The following DEPTOR variants were observed in gnomAD, a reference collection of about 807,000 sequenced individuals.
DEPTOR encodes DEP domain containing MTOR interacting protein, also known as DEP domain-containing mTOR-interacting protein.
DEPTOR carries 41 observed loss-of-function variants against 41.6 expected under a neutral mutation model. That is an observed-to-expected ratio of 0.98 (90% CI 0.77 to 1.28). The LOEUF (loss-of-function observed/expected upper bound fraction) is 1.28. DEPTOR is among the 50% of genes most tolerant of loss of function. The probability of loss-of-function intolerance (pLI) is 0.00; values close to 1 mark genes in which losing one functional copy is unlikely to be tolerated. For missense variants in DEPTOR, 514 were observed against 527.9 expected, an observed-to-expected ratio of 0.97 and a Z score of 0.26; for synonymous variants, 195 against 192.3, an observed-to-expected ratio of 1.01 and a Z score of -0.12.
chr8:119,924,162 G>A (rs932997756), intron 1 of DEPTOR, among the ~76,000 whole-genome samples: 1 of 152,166 alleles, frequency 6.6e-6, no homozygotes, highest in African/African-American at 2.4e-5. Flanking sequence ...GAAGGAGAGA[G>A]TCTTGCTTCT....
chr8:119,924,552 A>T (rs954968460), intron 1 of DEPTOR, among the ~76,000 whole-genome samples: 2 of 151,800 alleles, frequency 1.3e-5, no homozygotes, highest in Admixed American at 1.3e-4. Flanking sequence ...CTGCTACTTT[A>T]TTTATGTTTT....
chr8:119,874,848 G>A (rs772493577), intron 1 of DEPTOR, among the ~76,000 whole-genome samples: 1 of 152,086 alleles, frequency 6.6e-6, no homozygotes, highest in Non-Finnish European at 1.5e-5. Flanking sequence ...GCTGCCCTTC[G>A]TGTGGTTATA....
intron 1 of DEPTOR, among the ~76,000 whole-genome samples, chr8:119,918,631 T>C (rs1185761146): frequency 2.0e-5 from 3 of 152,126 alleles, no homozygotes; most frequent in Admixed American, 2.0e-4. Context: ...CAGCTAATTT[T>C]TGTATTTTTG....
At chr8:119,902,261 A>G (rs1334487951) in intron 1 of DEPTOR, among the ~76,000 whole-genome samples, 3 of 152,222 alleles carry the variant, frequency 2.0e-5, no homozygotes, top group Admixed American at 6.5e-5. Flanking sequence ...TGGCAAAATA[A>G]ATGGAGCTCA....
chr8:119,908,580 A>G (rs1048870321), intron 1 of DEPTOR, among the ~76,000 whole-genome samples: 3 of 152,196 alleles, frequency 2.0e-5, no homozygotes, highest in Non-Finnish European at 4.4e-5. Flanking sequence ...GTGACTGCCT[A>G]CTACTTGCAA....
At chr8:119,952,747 C>T (rs534928400) in intron 3 of DEPTOR, among the ~76,000 whole-genome samples, 2 of 152,140 alleles carry the variant, frequency 1.3e-5, no homozygotes, top group East Asian at 1.9e-4. Flanking sequence ...CTGCAAAGGA[C>T]GTGTAGTTTC....
At chr8:119,878,077 C>T (rs181861634) in intron 1 of DEPTOR, among the ~76,000 whole-genome samples, 378 of 152,138 alleles carry the variant, frequency 2.5e-3, no homozygotes, top group African/African-American at 8.3e-3. Context: ...ATTACAGGCA[C>T]GCCCTATTTT....
In DEPTOR at chr8:119,960,484, C is replaced by A. The variant is rs576054213; in HGVS notation, c.426-4748C>A. ...GATTTCAAATAGAACTCTAATCATT[C>A]TTCTAGGAAGAGAGAAGGGACCTTA... On this transcript the variant is annotated intron_variant, in intron 3 of 8. Coordinates refer to ENST00000286234, the MANE Select transcript of DEPTOR (RefSeq NM_022783.4). Among the ~76,000 whole-genome samples, 22 of 152,250 alleles carry A rather than the reference C, an allele frequency of 1.4e-4. No individual in the cohort carries two copies. The South Asian group carries it at 4.3e-3, about 30-fold the overall frequency.
intron 8 of DEPTOR, among the ~76,000 whole-genome samples, chr8:120,045,974 C>G (rs1485656519): frequency 1.3e-5 from 2 of 152,124 alleles, no homozygotes; most frequent in Admixed American, 6.5e-5. Context: ...GCTCATCCTC[C>G]CACACATACA....
intron 1 of DEPTOR, 58 bp from the exon 2 acceptor site, chr8:119,928,342 G>A: frequency 6.4e-7 from 1 of 1,564,526 alleles, no homozygotes; most frequent in Non-Finnish European, 8.7e-7. Context: ...TCTGGGATTG[G>A]TTTAATAATT....
chr8:119,954,640 T>C (rs1261808444), intron 3 of DEPTOR, among the ~76,000 whole-genome samples: 7 of 152,186 alleles, frequency 4.6e-5, no homozygotes, highest in Non-Finnish European at 1.0e-4. Flanking sequence ...GAATTTTTTT[T>C]CCCAGTGTAC....
In DEPTOR at chr8:120,032,960, A is replaced by G. The variant is rs535084534; in HGVS notation, c.1102-16616A>G. Among the ~76,000 whole-genome samples the G allele has an allele frequency of 3.9e-5, 6 of 152,248 alleles. No homozygotes were observed. The East Asian group carries it at 1.2e-3, about 29-fold the overall frequency. ...AATGTGCTTGGTGCAAGTGTGAGCCAGGAATGGGGAGAATGAATGTGAGAG... is the reference window on the plus strand; with the variant it reads ...AATGTGCTTGGTGCAAGTGTGAGCCGGGAATGGGGAGAATGAATGTGAGAG... On this transcript the variant is annotated intron_variant, in intron 8 of 8. Coordinates refer to ENST00000286234, the MANE Select transcript of DEPTOR (RefSeq NM_022783.4).
chr8:119,930,323 G>A (rs898305166), intron 3 of DEPTOR, among the ~76,000 whole-genome samples: 1 of 151,966 alleles, frequency 6.6e-6, no homozygotes, highest in African/African-American at 2.4e-5. Flanking sequence ...TGCAACCTCC[G>A]TCTTCTGGGT....
intron 1 of DEPTOR, among the ~76,000 whole-genome samples, chr8:119,918,585 C>T (rs1382053366): frequency 6.6e-5 from 10 of 152,058 alleles, no homozygotes; most frequent in Admixed American, 2.6e-4. Context: ...CTCAGCCTCC[C>T]GAGTAGCTGG....
At chr8:120,000,064 G>T (rs1384292653) in intron 4 of DEPTOR, among the ~76,000 whole-genome samples, 1 of 152,040 alleles carries the variant, frequency 6.6e-6, no homozygotes. Context: ...TTATGTAAGG[G>T]GTTACCATTG....
intron 4 of DEPTOR, chr8:119,969,700 G>A (rs911400117): frequency 3.4e-4 from 51 of 152,236 alleles, no homozygotes; most frequent in African/African-American, 1.1e-3. Context: ...GTGATTGTAG[G>A]AGTACTGAAT....
At chr8:120,025,807 G>A (rs1038938706) in intron 8 of DEPTOR, among the ~76,000 whole-genome samples, 13 of 151,576 alleles carry the variant, frequency 8.6e-5, no homozygotes, top group Non-Finnish European at 1.8e-4. Context: ...TCCCCACCAA[G>A]CAACCAAAGG....
chr8:120,027,681 C>T lies in DEPTOR; in HGVS notation c.1101+18548C>T, dbSNP rs568425711. On this transcript the variant is annotated intron_variant, in intron 8 of 8. Coordinates refer to ENST00000286234, the MANE Select transcript of DEPTOR (RefSeq NM_022783.4). ...GATTGCACCACTGCACTCCAGCCTG[C>T]GCAATGGGAGTGAGACTCCAGCTCA... Among the ~76,000 whole-genome samples the T allele has an allele frequency of 1.2e-3, 175 of 150,774 alleles. 1 individual carries two copies. Among genetic ancestry groups the T allele is most frequent in the Middle Eastern group, 3.4e-3 (1 of 290 alleles).
At chr8:119,909,103 A>G (rs1827704654) in intron 1 of DEPTOR, among the ~76,000 whole-genome samples, 1 of 152,230 alleles carries the variant, frequency 6.6e-6, no homozygotes, top group South Asian at 2.1e-4. Context: ...AAATGCTAGG[A>G]TGGAAAGATA....
Sources: allele counts gnomAD v4.1 joint callset (sites outside exome capture counted in the v4.1 genomes callset), GRCh38; gene constraint gnomAD v4.1.1; transcripts MANE v1.5; gene names NCBI Gene and HGNC (gene_info 2026-07-23, HGNC 2026-07-21).